Variants in BRINP3 observed in about 807,000 individuals in gnomAD.
BRINP3 encodes BMP/retinoic acid inducible neural specific 3.
A neutral mutation model predicts 71.0 loss-of-function variants in BRINP3; 19 were observed. The observed-to-expected ratio is 0.27, with a 90% CI of 0.19 to 0.39. The LOEUF (loss-of-function observed/expected upper bound fraction) is 0.39. Among genes scored for constraint, BRINP3 ranks in the 10% least tolerant of loss-of-function variants. The pLI, the probability that BRINP3 is intolerant of heterozygous loss-of-function variation, is 1.00. For synonymous variants in BRINP3, 380 were observed against 337.7 expected (o/e 1.13, Z -1.37); for missense variants, 959 against 940.8 (o/e 1.02, Z -0.25).
intron 6 of BRINP3, among the ~76,000 whole-genome samples, chr1:190,177,017 G>T (rs148933590): frequency 6.6e-6 from 1 of 152,108 alleles, no homozygotes; most frequent in Non-Finnish European, 1.5e-5. Context: ...GGCCTCCCTT[G>T]CAAGTAATTG....
At chr1:190,296,464 C>T (rs1221996108) in intron 2 of BRINP3, among the ~76,000 whole-genome samples, 1 of 152,028 alleles carries the variant, frequency 6.6e-6, no homozygotes, top group African/African-American at 2.4e-5. Flanking sequence ...AGCTAACATA[C>T]TCAATGGTGA....
chr1:190,461,843 T>C (rs1011412564), intron 1 of BRINP3, among the ~76,000 whole-genome samples: 5 of 152,182 alleles, frequency 3.3e-5, no homozygotes, highest in Non-Finnish European at 7.4e-5. Context: ...AGTTATGAGG[T>C]AATGATTTTT....
intron 6 of BRINP3, among the ~76,000 whole-genome samples, chr1:190,208,121 T>A (rs1270917933): frequency 2.0e-5 from 3 of 151,838 alleles, no homozygotes; most frequent in African/African-American, 4.8e-5. Flanking sequence ...TTAATTTTTT[T>A]TTTTATTTTT....
chr1:190,335,032 T>C (rs971988673), intron 2 of BRINP3, among the ~76,000 whole-genome samples: 1 of 151,912 alleles, frequency 6.6e-6, no homozygotes, highest in Non-Finnish European at 1.5e-5. Context: ...TATTTTATAT[T>C]GTAATTACTC....
chr1:190,113,692 C>G (rs1378192137), intron 7 of BRINP3, among the ~76,000 whole-genome samples: 1 of 152,124 alleles, frequency 6.6e-6, no homozygotes, highest in Non-Finnish European at 1.5e-5. Context: ...GCAAATTACT[C>G]AAGTCCTCCG....
At chr1:190,145,764 AAACC>A (rs1655830859) in intron 7 of BRINP3, among the ~76,000 whole-genome samples, 1 of 152,172 alleles carries the variant, frequency 6.6e-6, no homozygotes, top group African/African-American at 2.4e-5. Context: ...CAAAGATATG[AAACC>A]AACCTAACTG....
At chr1:190,465,158 A>C (rs910305645) in intron 1 of BRINP3, among the ~76,000 whole-genome samples, 1 of 151,984 alleles carries the variant, frequency 6.6e-6, no homozygotes. Context: ...ATAAAATATC[A>C]TGGTGTTTCA....
chr1:190,373,804 G>A (rs1188488619), intron 2 of BRINP3, among the ~76,000 whole-genome samples: 2 of 151,416 alleles, frequency 1.3e-5, no homozygotes, highest in Non-Finnish European at 2.9e-5. Context: ...ATTGTGGTTC[G>A]TGCAAAAGTA....
intron 6 of BRINP3, among the ~76,000 whole-genome samples, chr1:190,215,036 G>A (rs981615481): frequency 2.7e-5 from 4 of 148,736 alleles, no homozygotes; most frequent in African/African-American, 9.9e-5. Context: ...GCTTTTATAA[G>A]TATGTTCTTC....
chr1:190,450,109 T>C (rs182583257), intron 2 of BRINP3, among the ~76,000 whole-genome samples: 1 of 152,222 alleles, frequency 6.6e-6, no homozygotes, highest in Non-Finnish European at 1.5e-5. Context: ...ATGTGCCAAT[T>C]CCAAACATGG....
At chr1:190,371,756 G>A (rs542753756) in intron 2 of BRINP3, among the ~76,000 whole-genome samples, 5 of 152,194 alleles carry the variant, frequency 3.3e-5, no homozygotes, top group East Asian at 3.9e-4. Context: ...AAATCATGTT[G>A]AGTAGTATGG....
At chr1:190,173,195 G>A (rs897967820) in intron 6 of BRINP3, among the ~76,000 whole-genome samples, 6 of 152,078 alleles carry the variant, frequency 3.9e-5, no homozygotes, top group Non-Finnish European at 7.4e-5. Flanking sequence ...CATTACAACC[G>A]GAACACTGAT....
intron 7 of BRINP3, among the ~76,000 whole-genome samples, chr1:190,103,469 A>C (rs565182489): frequency 6.6e-6 from 1 of 152,170 alleles, no homozygotes; most frequent in East Asian, 1.9e-4. Flanking sequence ...TGGTGAACCA[A>C]GTTCCTGGGC....
At chr1:190,184,246 G>A (rs181095045) in intron 6 of BRINP3, among the ~76,000 whole-genome samples, 5 of 152,222 alleles carry the variant, frequency 3.3e-5, no homozygotes, top group African/African-American at 1.2e-4. Flanking sequence ...GGCTGACAAG[G>A]ATATGGAGAA....
At chr1:190,208,480 ATTTG>A (rs954541730) in intron 6 of BRINP3, among the ~76,000 whole-genome samples, 18 of 151,782 alleles carry the variant, frequency 1.2e-4, no homozygotes, top group African/African-American at 3.9e-4. Flanking sequence ...TTATTTATTT[ATTTG>A]TTTGTTTATT....
At chr1:190,203,832 A>C (rs1423927448) in intron 6 of BRINP3, among the ~76,000 whole-genome samples, 3 of 114,082 alleles carry the variant, frequency 2.6e-5, no homozygotes, top group African/African-American at 9.6e-5. Context: ...AACAAAGGGC[A>C]CGTTGGCATT....
chr1:190,437,805 C>T (rs1230899866), intron 2 of BRINP3, among the ~76,000 whole-genome samples: 1 of 151,610 alleles, frequency 6.6e-6, no homozygotes, highest in Non-Finnish European at 1.5e-5. Flanking sequence ...CATGGAAATG[C>T]AATTAATCCA....
chr1:190,327,326 C>CAAAAAAAAAAAAAAAAGGAAAAAAAAAA (rs1666652180), intron 2 of BRINP3, among the ~76,000 whole-genome samples: 1 of 44,232 alleles, frequency 2.3e-5, no homozygotes, highest in African/African-American at 6.9e-5. Context: ...AAAAAAAGAA[C>CAAAAAAAAAAAAAAAAGGAAAAAAAAAA]AAAAAAAAAA....
intron 6 of BRINP3, among the ~76,000 whole-genome samples, chr1:190,200,214 TA>T (rs1274631007): frequency 6.6e-6 from 1 of 152,166 alleles, no homozygotes; most frequent in Non-Finnish European, 1.5e-5. Context: ...TTGATCATTT[TA>T]TAACTCTTAT....
Sources: gnomAD v4.1 joint callset for allele counts (sites outside exome capture counted in the v4.1 genomes callset) on GRCh38, gnomAD v4.1.1 for gene constraint, MANE v1.5 for transcripts, NCBI Gene and HGNC (gene_info 2026-07-23, HGNC 2026-07-21) for gene names.